Variants in GPC5 observed in about 807,000 individuals in gnomAD.
The protein encoded by GPC5 is glypican 5.
GPC5 carries 47 observed loss-of-function variants against 53.9 expected under a neutral mutation model. That is an observed-to-expected ratio of 0.87 (90% confidence interval 0.69 to 1.11). The LOEUF is 1.11. Ranked by LOEUF, GPC5 falls within the 50% of genes most tolerant of loss-of-function variation. The pLI, the probability that GPC5 is intolerant of heterozygous loss-of-function variation, is 0.00. For synonymous variants in GPC5, 286 were observed against 263.3 expected (o/e 1.09, Z -0.84); for missense variants, 748 against 713.1 (o/e 1.05, Z -0.56).
intron 7 of GPC5, among the ~76,000 whole-genome samples, chr13:92,758,993 G>GTTTTT (rs1875034940): frequency 1.2e-5 from 1 of 80,690 alleles, no homozygotes; most frequent in Admixed American, 1.6e-4. Context: ...TTCCCATTGC[G>GTTTTT]GTTTTTTTTT....
At chr13:91,941,579 G>A (rs111231320) in intron 6 of GPC5, among the ~76,000 whole-genome samples, 1 of 151,982 alleles carries the variant, frequency 6.6e-6, no homozygotes, top group Non-Finnish European at 1.5e-5. Context: ...AATCTTACAT[G>A]TCTAGATCCC....
intron 7 of GPC5, among the ~76,000 whole-genome samples, chr13:92,515,671 A>G (rs930796543): frequency 3.3e-5 from 5 of 152,192 alleles, no homozygotes; most frequent in African/African-American, 1.2e-4. Flanking sequence ...CAATGAACCC[A>G]ATCAATAAGA....
At chr13:91,843,650 C>G (rs1471490143) in intron 5 of GPC5, among the ~76,000 whole-genome samples, 5 of 152,006 alleles carry the variant, frequency 3.3e-5, no homozygotes, top group African/African-American at 1.2e-4. Flanking sequence ...GGTCATAGAG[C>G]CAGAAGACAT....
At chr13:92,080,941 C>A (rs2041290115) in intron 6 of GPC5, among the ~76,000 whole-genome samples, 2 of 152,152 alleles carry the variant, frequency 1.3e-5, no homozygotes, top group African/African-American at 4.8e-5. Context: ...CACAACTTAT[C>A]TTTGCAGGAA....
intron 2 of GPC5, among the ~76,000 whole-genome samples, chr13:91,531,021 A>G (rs1304329624): frequency 6.6e-6 from 1 of 152,144 alleles, no homozygotes; most frequent in African/African-American, 2.4e-5. Context: ...GCCAATATTG[A>G]ATTCTCTTAC....
chr13:92,377,172 A>G (rs2043702208), intron 7 of GPC5, among the ~76,000 whole-genome samples: 1 of 152,184 alleles, frequency 6.6e-6, no homozygotes, highest in Non-Finnish European at 1.5e-5. Flanking sequence ...TGCTACCATC[A>G]TATTTTGCCT....
intron 5 of GPC5, among the ~76,000 whole-genome samples, chr13:91,764,862 T>C (rs1349736631): frequency 6.6e-6 from 1 of 152,146 alleles, no homozygotes; most frequent in Non-Finnish European, 1.5e-5. Flanking sequence ...GACTGGTAAT[T>C]TTATGATCTC....
intron 7 of GPC5, among the ~76,000 whole-genome samples, chr13:92,397,335 A>G (rs1875330481): frequency 1.3e-5 from 2 of 152,196 alleles, no homozygotes. Flanking sequence ...TGATGGTTTC[A>G]TAAGGGGAAA....
intron 7 of GPC5, among the ~76,000 whole-genome samples, chr13:92,491,761 AT>A (rs1238901374): frequency 2.0e-5 from 3 of 152,178 alleles, no homozygotes; most frequent in South Asian, 2.1e-4. Flanking sequence ...CAAACTGTTG[AT>A]TTTTTTCAGA....
chr13:92,147,478 A>G (rs2041876523), intron 7 of GPC5, among the ~76,000 whole-genome samples: 1 of 152,036 alleles, frequency 6.6e-6, no homozygotes, highest in Non-Finnish European at 1.5e-5. Flanking sequence ...AGAACTTGTT[A>G]TATATTAGTA....
At chr13:91,932,412 C>CT (rs543459275) in intron 6 of GPC5, among the ~76,000 whole-genome samples, 135 of 152,158 alleles carry the variant, frequency 8.9e-4, no homozygotes, top group African/African-American at 3.1e-3. Flanking sequence ...TCACATTTAG[C>CT]TCTGAATTTA....
In GPC5 at chr13:92,815,185, A is replaced by G. The variant is rs1027339808; in HGVS notation, c.1562-51097A>G. On this transcript the variant is annotated intron_variant, in intron 7 of 7. Transcript: ENST00000377067. ...AACATATAATACAATGCCAGGTAGC[A>G]GTAACTGCTATGAAAGCAATAGCGC... 2.6e-5 allele frequency among the ~76,000 whole-genome samples: 4 copies of G among 152,026 alleles called. 1 individual carries two copies. Among genetic ancestry groups the G allele is most frequent in the African/African-American group, 9.7e-5 (4 of 41,278 alleles).
intron 2 of GPC5, among the ~76,000 whole-genome samples, chr13:91,449,577 T>C (rs1246295684): frequency 6.6e-6 from 1 of 152,150 alleles, no homozygotes; most frequent in Non-Finnish European, 1.5e-5. Flanking sequence ...TTCCTTGCTC[T>C]AATCTCATAT....
Position 91,737,672 on chromosome 13 carries a change from GAAAATTTTGTTGTTT to G in GPC5, c.1154+9014_1154+9028del, listed in dbSNP as rs150692566. Reference sequence around the variant, plus strand: ...TTATACTTTAGATTTTGTGTATTATGAAAATTTTGTTGTTTAAAATTATGTTAGAGATATGGCACC... The same window carrying G: ...TTATACTTTAGATTTTGTGTATTATGAAAATTATGTTAGAGATATGGCACC... On this transcript the variant is annotated intron_variant, in intron 4 of 7. Transcript: ENST00000377067. 2.0e-3 allele frequency among the ~76,000 whole-genome samples: 304 copies of G among 151,496 alleles called. 16 individuals are homozygous for G. Among genetic ancestry groups the G allele is most frequent in the African/African-American group, 7.3e-3 (300 of 40,834 alleles).
chr13:91,567,707 T>A (rs1026453611), intron 2 of GPC5, among the ~76,000 whole-genome samples: 1 of 152,164 alleles, frequency 6.6e-6, no homozygotes, highest in Non-Finnish European at 1.5e-5. Flanking sequence ...TGTTGGAACA[T>A]TCTGTGGTTT....
rs912747705 is a variant in GPC5, at chr13:92,650,874, G to A, written c.1562-215408G>A. On this transcript the variant is annotated intron_variant, in intron 7 of 7. Transcript: ENST00000377067. The stretch of plus-strand genomic sequence containing the variant: ...TGTTGCATAGGTATACGTGTGCCAC[G>A]GTGGTTTGCTGCATCTATTAACCCA... 5.9e-5 allele frequency among the ~76,000 whole-genome samples: 9 copies of A among 152,026 alleles called. No individual in the cohort carries two copies. The East Asian group carries it at 1.4e-3, about 23-fold the overall frequency.
At position 92,664,524 on chromosome 13, in the gene GPC5, T is replaced by C. The variant is rs9589615; in HGVS notation, c.1562-201758T>C. Among the ~76,000 whole-genome samples, 721 of 152,238 alleles carry C rather than the reference T, an allele frequency of 4.7e-3. 6 individuals carry two copies. Among genetic ancestry groups the C allele is most frequent in the African/African-American group, 0.017 (696 of 41,550 alleles). On this transcript the variant is annotated intron_variant, in intron 7 of 7. Transcript: ENST00000377067. ...AGGGTAAAAATGAAATCATAGCGTA[T>C]AGACAACTTACTAAAAATTATTGAG...
chr13:92,000,954 T>C (rs1352737477), intron 6 of GPC5, among the ~76,000 whole-genome samples: 1 of 151,982 alleles, frequency 6.6e-6, no homozygotes, highest in Non-Finnish European at 1.5e-5. Flanking sequence ...AGCCACACAG[T>C]GTTGAGGCAA....
At chr13:92,274,865 A>G (rs2042864493) in intron 7 of GPC5, among the ~76,000 whole-genome samples, 1 of 151,758 alleles carries the variant, frequency 6.6e-6, no homozygotes, top group South Asian at 2.1e-4. Context: ...ACTCAAGAGG[A>G]AGAATTACAC....
Sources: gnomAD v4.1 joint callset for allele counts (sites outside exome capture counted in the v4.1 genomes callset) on GRCh38, gnomAD v4.1.1 for gene constraint, MANE v1.5 for transcripts, NCBI Gene and HGNC (gene_info 2026-07-23, HGNC 2026-07-21) for gene names.